NMNAT2: variants seen among roughly 807,000 people sequenced by gnomAD.
The protein encoded by NMNAT2 is nicotinamide/nicotinic acid mononucleotide adenylyltransferase 2.
NMNAT2 carries 11 observed loss-of-function variants against 41.6 expected under a neutral mutation model. The ratio of observed to expected loss-of-function variants is 0.26; its 90% confidence interval spans 0.17 to 0.44. The LOEUF (loss-of-function observed/expected upper bound fraction) is 0.44, where lower values mean the gene tolerates loss of function less well. NMNAT2 is among the 20% of genes least tolerant of loss of function. NMNAT2 has a pLI of 1.00. For missense variants in NMNAT2, 288 were observed against 407.7 expected (o/e 0.71, Z 2.53); for synonymous variants, 148 against 151.2 (o/e 0.98, Z 0.16).
In NMNAT2 at chr1:183,313,561, C is replaced by A. The variant is rs113652948; in HGVS notation, c.86-19768G>T. Reference sequence around the variant, plus strand: ...GTGGTGCAATCTTGGCTCACTGCAACCTCCGCCTCCTGGGTTCAGGTGATT... The same window carrying A: ...GTGGTGCAATCTTGGCTCACTGCAAACTCCGCCTCCTGGGTTCAGGTGATT... On this transcript the variant is annotated intron_variant, in intron 1 of 10. Coordinates refer to ENST00000287713, the MANE Select transcript of NMNAT2 (RefSeq NM_015039.4). Among the ~76,000 whole-genome samples, 1,117 of 152,268 alleles carry A rather than the reference C, an allele frequency of 7.3e-3. 11 individuals are homozygous for A. The highest frequency in any genetic ancestry group is 0.026 in the African/African-American group (1,074 of 41,542).
intron 10 of NMNAT2, among the ~76,000 whole-genome samples, chr1:183,258,223 A>G (rs893755573): frequency 6.6e-6 from 1 of 152,162 alleles, no homozygotes; most frequent in Non-Finnish European, 1.5e-5. Flanking sequence ...TCCTAACACA[A>G]TAGTCTAGGT....
At chr1:183,293,621 G>T (rs1661602829) in intron 2 of NMNAT2, 84 bp downstream of exon 2, 1 of 944,140 alleles carries the variant, frequency 1.1e-6, no homozygotes, top group African/African-American at 1.6e-5. Context: ...AGACAGAGCG[G>T]GGGCAGTTTT....
intron 1 of NMNAT2, among the ~76,000 whole-genome samples, chr1:183,314,842 G>C (rs1662206432): frequency 6.6e-6 from 1 of 152,150 alleles, no homozygotes; most frequent in African/African-American, 2.4e-5. Context: ...TGGCACCACT[G>C]CACTCAGGCC....
At position 183,295,700 on chromosome 1, in the gene NMNAT2, C is replaced by T. The variant is rs190653177; in HGVS notation, c.86-1907G>A. ...TCTTTTCCCAAACCCCTGGCAACCA[C>T]GGTTCTGTTTACTTTTTCTATAGAT... On this transcript the variant is annotated intron_variant, in intron 1 of 10. Coordinates refer to ENST00000287713, the MANE Select transcript of NMNAT2 (RefSeq NM_015039.4). 3.8e-3 allele frequency among the ~76,000 whole-genome samples: 586 copies of T among 152,208 alleles called. 6 individuals carry two copies. The highest frequency in any genetic ancestry group is 0.014 in the African/African-American group (564 of 41,536).
intron 1 of NMNAT2, among the ~76,000 whole-genome samples, chr1:183,378,391 TAA>T (rs113433811): frequency 4.4e-5 from 6 of 135,766 alleles, no homozygotes; most frequent in African/African-American, 8.1e-5. Context: ...GAGACTCCAT[TAA>T]AAAAAAAAAA....
At chr1:183,391,700 C>T (rs1291374886) in intron 1 of NMNAT2, among the ~76,000 whole-genome samples, 1 of 152,186 alleles carries the variant, frequency 6.6e-6, no homozygotes, top group Non-Finnish European at 1.5e-5. Context: ...CTTCTGCCCC[C>T]TTCATTCCAG....
At chr1:183,345,123 TCCC>T (rs869107430) in intron 1 of NMNAT2, among the ~76,000 whole-genome samples, 1 of 136,502 alleles carries the variant, frequency 7.3e-6, no homozygotes, top group African/African-American at 2.6e-5. Flanking sequence ...TCTCTTCTCC[TCCC>T]CCACCCCACC....
chr1:183,272,793 C>A (rs1301132347), intron 8 of NMNAT2, among the ~76,000 whole-genome samples: 1 of 152,216 alleles, frequency 6.6e-6, no homozygotes, highest in African/African-American at 2.4e-5. Flanking sequence ...GGCTTTCTCC[C>A]CAGACCCATT....
At chr1:183,310,435 A>C (rs758637559) in intron 1 of NMNAT2, among the ~76,000 whole-genome samples, 2 of 152,144 alleles carry the variant, frequency 1.3e-5, no homozygotes, top group Non-Finnish European at 2.9e-5. Flanking sequence ...TCTTTCCTTC[A>C]TGAGCCTGAG....
At chr1:183,326,967 G>A (rs952411308) in intron 1 of NMNAT2, among the ~76,000 whole-genome samples, 1 of 152,006 alleles carries the variant, frequency 6.6e-6, no homozygotes, top group Non-Finnish European at 1.5e-5. Context: ...CAACAGAGAG[G>A]GAAAGAGTGG....
chr1:183,401,089 C>T (rs542225507), intron 1 of NMNAT2, among the ~76,000 whole-genome samples: 25 of 152,306 alleles, frequency 1.6e-4, no homozygotes, highest in African/African-American at 5.8e-4. Context: ...TCAAGAGCTT[C>T]TGCACAGCAA....
At position 183,399,672 on chromosome 1, in the gene NMNAT2, T is replaced by C. The variant is rs528639541; in HGVS notation, c.85+18511A>G. Among the ~76,000 whole-genome samples, 38 of 152,288 alleles carry C rather than the reference T, an allele frequency of 2.5e-4. No individual in the cohort carries two copies. The South Asian group carries it at 7.7e-3, about 31-fold the overall frequency. On this transcript the variant is annotated intron_variant, in intron 1 of 10. Coordinates refer to ENST00000287713, the MANE Select transcript of NMNAT2 (RefSeq NM_015039.4). The stretch of plus-strand genomic sequence containing the variant: ...GATGCAAAAATCCTCAATAAAATAC[T>C]GACAAACCAAATCCAGCAGCACATC...
intron 10 of NMNAT2, 24 bp downstream of exon 10, chr1:183,260,978 T>C (rs770060542): frequency 6.3e-7 from 1 of 1,586,082 alleles, no homozygotes; most frequent in East Asian, 2.2e-5. Context: ...GACTAAAGTC[T>C]CTCTGGCCAT....
At chr1:183,348,079 A>G (rs1386056444) in intron 1 of NMNAT2, among the ~76,000 whole-genome samples, 1 of 152,124 alleles carries the variant, frequency 6.6e-6, no homozygotes, top group Non-Finnish European at 1.5e-5. Context: ...CCTTTAAAAG[A>G]CAGGACCTAT....
intron 1 of NMNAT2, among the ~76,000 whole-genome samples, chr1:183,337,105 T>C (rs1027733149): frequency 1.3e-5 from 2 of 152,138 alleles, no homozygotes; most frequent in African/African-American, 2.4e-5. Context: ...TGTATCTTGA[T>C]TGGAGAGTTG....
chr1:183,296,702 T>C (rs926056993), intron 1 of NMNAT2, among the ~76,000 whole-genome samples: 1 of 151,952 alleles, frequency 6.6e-6, no homozygotes, highest in East Asian at 1.9e-4. Flanking sequence ...TTAGTAGAGA[T>C]GGGGTTTCAC....
intron 1 of NMNAT2, among the ~76,000 whole-genome samples, chr1:183,356,749 A>G (rs1304760195): frequency 6.6e-6 from 1 of 152,242 alleles, no homozygotes; most frequent in Non-Finnish European, 1.5e-5. Flanking sequence ...AGGAGCTGAA[A>G]TTTCTTAGGC....
In NMNAT2 at chr1:183,293,732, G is replaced by A. The variant is rs757619735; in HGVS notation, c.147C>T (p.Ser49=). The A allele has an allele frequency of 3.7e-6, 6 of 1,613,882 alleles. No individual in the cohort carries two copies. Among genetic ancestry groups the A allele is most frequent in the South Asian group, 2.2e-5 (2 of 91,078 alleles). Residue 49 remains serine, a synonymous_variant, in exon 2 of 11, where the codon TCC becomes TCT. Transcript: ENST00000287713. ...GRFIVIGGIV[S]PVHDSYGKQG... ...GTTTTCCATAGGAGTCGTGGACAGG[G>A]GAGACAATCCCGCCAATCACAATAA...
chr1:183,277,217 T>C (rs866588459), intron 8 of NMNAT2, among the ~76,000 whole-genome samples: 1 of 152,180 alleles, frequency 6.6e-6, no homozygotes, highest in Non-Finnish European at 1.5e-5. Context: ...GAATAGTGCC[T>C]CACGCCTGTA....
Sources: allele counts gnomAD v4.1 joint callset (sites outside exome capture counted in the v4.1 genomes callset), GRCh38; gene constraint gnomAD v4.1.1; transcripts MANE v1.5; gene names NCBI Gene and HGNC (gene_info 2026-07-23, HGNC 2026-07-21).